The following TTK variants were observed in gnomAD, a reference collection of about 807,000 sequenced individuals.
The protein encoded by TTK is TTK protein kinase.
Under a neutral mutation model 117.3 loss-of-function variants are expected in TTK, and 59 were observed. The ratio of observed to expected loss-of-function variants is 0.50; its 90% CI spans 0.41 to 0.62. The LOEUF (loss-of-function observed/expected upper bound fraction) is 0.62. Among genes scored for constraint, TTK ranks in the 20% least tolerant of loss-of-function variants. TTK has a pLI of 0.00. For missense variants in TTK, 921 were observed against 989.4 expected (o/e 0.93, Z 0.93); for synonymous variants, 302 against 325.0 (o/e 0.93, Z 0.76).
intron 2 of TTK, 59 bp downstream of exon 2, chr6:80,006,041 G>T (rs1766984745): frequency 1.3e-6 from 2 of 1,550,598 alleles, no homozygotes; most frequent in Admixed American, 3.8e-5. Flanking sequence ...CTAAGGTAAA[G>T]ATATAGTACT....
At chr6:80,031,191 A>G (rs1031602130) in intron 13 of TTK, among the ~76,000 whole-genome samples, 2 of 151,672 alleles carry the variant, frequency 1.3e-5, no homozygotes, top group South Asian at 4.1e-4. Context: ...TTTTAAGCTT[A>G]TAAGTTTGCA....
chr6:80,024,623 A>G (rs1186582288), intron 11 of TTK, among the ~76,000 whole-genome samples: 1 of 152,154 alleles, frequency 6.6e-6, no homozygotes, highest in Non-Finnish European at 1.5e-5. Flanking sequence ...AGTGATTGCT[A>G]ATGGGTGTGA....
In TTK at chr6:80,008,451, C is replaced by T; in HGVS notation, c.428C>T (p.Ala143Val). 1 of 1,612,044 alleles carries T rather than the reference C, an allele frequency of 6.2e-7. No homozygotes were observed. The highest frequency in any genetic ancestry group is 8.5e-7 in the Non-Finnish European group (1 of 1,178,984). Residue 143 changes from alanine to valine, a missense_variant, in exon 4 of 22, where the codon GCT becomes GTT. Ala to Val is a moderately conservative substitution (Grantham distance 64). Coordinates refer to ENST00000369798, the MANE Select transcript of TTK (RefSeq NM_003318.5). ...GCCAGAGCAAACTGCAAGAAATTTGCTTTTGTTCATATATCTTTTGCACAA... is the reference window on the plus strand; with the variant it reads ...GCCAGAGCAAACTGCAAGAAATTTGTTTTTGTTCATATATCTTTTGCACAA... The part of the protein sequence containing the change: ...QMARANCKKF[A>V]FVHISFAQFE...
chr6:80,011,774 A>G lies in TTK; in HGVS notation c.774A>G (p.Ser258=), dbSNP rs757881073. The change falls in exon 7 of 22, where the codon TCA becomes TCG. Residue 258 remains serine (S), a synonymous_variant. Coordinates refer to ENST00000369798, the MANE Select transcript of TTK (RefSeq NM_003318.5). ...ATGCAGAAATAGGTTACCGGAATTC[A>G]TTGAGACAAACTAACAAAACTAAAC... ...PQDAEIGYRN[S]LRQTNKTKQS... is the part of the protein sequence containing the mutation. 11 of 1,612,890 alleles carry G rather than the reference A, an allele frequency of 6.8e-6. 1 individual carries two copies. In the South Asian group the frequency reaches 1.1e-4, roughly 16 times the overall value.
At position 80,026,241 on chromosome 6, in the gene TTK, T is replaced by C. The variant is rs1421563904; in HGVS notation, c.1258-137T>C. ...AATTATTGAAAGTCTAAAATGTATA[T>C]ATATGCCTATCTCTTTTAGTATGCC... On this transcript the variant is annotated intron_variant, in intron 11 of 21. Transcript: ENST00000369798. The C allele has an allele frequency of 3.5e-6, 3 of 866,766 alleles. No homozygotes were observed. The African/African-American group carries it at 5.2e-5, about 15-fold the overall frequency. The allele number at this position is 866,766 out of a possible 1,614,324, so 53.7% of individuals were successfully genotyped here.
At chr6:80,009,461 C>T (rs1767086126) in intron 4 of TTK, among the ~76,000 whole-genome samples, 1 of 152,046 alleles carries the variant, frequency 6.6e-6, no homozygotes, top group Admixed American at 6.6e-5. Flanking sequence ...TTATCCCTTT[C>T]TTCTCTAGAA....
intron 11 of TTK, 94 bp from the exon 12 acceptor site, chr6:80,026,284 A>G (rs1767602082): frequency 1.5e-6 from 2 of 1,297,810 alleles, no homozygotes; most frequent in Middle Eastern, 2.7e-4. Context: ...ATCATATGTT[A>G]TTATTTTATT....
At chr6:80,008,307 G>T (rs1767049729) in intron 3 of TTK, 79 bp from the exon 4 acceptor site, 2 of 1,389,070 alleles carry the variant, frequency 1.4e-6, no homozygotes, top group Non-Finnish European at 2.0e-6. Context: ...CATGTTTTTT[G>T]GAAAATTGAA....
chr6:80,022,345 C>G lies in TTK; in HGVS notation c.1130C>G (p.Pro377Arg), dbSNP rs1767482193. ...KLEETKEYQEPEVPESNQKQW... is the reference protein window; with the variant it reads ...KLEETKEYQEREVPESNQKQW... ...TCAGAAACTAAAGAGTATCAAGAAC[C>G]AGAGGTTCCAGAGAGTAACCAGAAA... Residue 377 changes from proline to arginine, a missense_variant, in exon 11 of 22, where the codon CCA becomes CGA. Physicochemically the swap from Pro to Arg is moderately radical, Grantham distance 103. Transcript: ENST00000369798. 2 of 1,612,078 alleles carry G rather than the reference C, an allele frequency of 1.2e-6. No individual in the cohort carries two copies. Among genetic ancestry groups the G allele is most frequent in the Non-Finnish European group, 1.7e-6 (2 of 1,179,484 alleles).
chr6:80,017,654 A>C (rs540893696), intron 10 of TTK, among the ~76,000 whole-genome samples: 36 of 152,282 alleles, frequency 2.4e-4, no homozygotes, highest in African/African-American at 8.4e-4. Flanking sequence ...AAAATTCACG[A>C]CTATTTTGGC....
At chr6:80,022,586 AG>A in intron 11 of TTK, 114 bp downstream of exon 11, 1 of 1,185,432 alleles carries the variant, frequency 8.4e-7, no homozygotes. Flanking sequence ...TTAGTAGAAT[AG>A]TTTATTTAAA....
Position 80,022,471 on chromosome 6 carries a change from A to G in TTK, c.1256A>G (p.Glu419Gly), listed in dbSNP as rs745463615. 1.2e-6 allele frequency: 2 copies of G among 1,611,646 alleles called. No individual in the cohort carries two copies. The highest frequency in any genetic ancestry group is 2.7e-5 in the African/African-American group (2 of 74,844). ...GAGTTAGCCCGAAAAGTTAATACAG[A>G]GGTAACTTTTCCACTAAAGTACAAT... ...IPELARKVNT[E>G]QKHTTFEQPV... Residue 419 changes from glutamate to glycine, a missense_variant and splice_region_variant, in exon 11 of 22, where the codon GAG (glutamate) becomes GGG (glycine). Transcript: ENST00000369798.
intron 10 of TTK, among the ~76,000 whole-genome samples, chr6:80,015,518 T>C (rs1767282839): frequency 6.6e-6 from 1 of 152,152 alleles, no homozygotes; most frequent in Admixed American, 6.5e-5. Flanking sequence ...CCAGGGACTT[T>C]GCTGAAAGTC....
At chr6:80,018,728 T>A (rs1767381300) in intron 10 of TTK, among the ~76,000 whole-genome samples, 1 of 152,064 alleles carries the variant, frequency 6.6e-6, no homozygotes, top group Non-Finnish European at 1.5e-5. Flanking sequence ...AGTATAACAG[T>A]GAATAGAAAG....
At chr6:80,008,537 T>A (rs1415540077) in intron 4 of TTK, 45 bp downstream of exon 4, 1 of 1,503,758 alleles carries the variant, frequency 6.7e-7, no homozygotes, top group East Asian at 2.3e-5. Flanking sequence ...AAGGATAACT[T>A]ATTACAACTT....
intron 10 of TTK, among the ~76,000 whole-genome samples, chr6:80,016,221 A>G (rs1051213932): frequency 6.6e-6 from 1 of 152,152 alleles, no homozygotes; most frequent in Non-Finnish European, 1.5e-5. Context: ...ACAAATTTCT[A>G]TTGAGTGTAT....
At position 80,011,419 on chromosome 6, in the gene TTK, T is replaced by C. The variant is rs763741059; in HGVS notation, c.614-15T>C. 3.0e-5 allele frequency: 45 copies of C among 1,524,684 alleles called. No homozygotes were observed. In the South Asian group the frequency reaches 5.0e-4, roughly 17 times the overall value. The allele number at this position is 1,524,684 out of a possible 1,614,324, so 94.4% of individuals were successfully genotyped here. ...ATTTCTTATAAATTTAATCATAGTT[T>C]CAAAATTTTTACAGCATCTACGGTA... On this transcript the variant is annotated splice_polypyrimidine_tract_variant and intron_variant, in intron 5 of 21. Coordinates refer to ENST00000369798, the MANE Select transcript of TTK (RefSeq NM_003318.5).
intron 14 of TTK, among the ~76,000 whole-genome samples, chr6:80,032,349 C>A (rs1035610839): frequency 6.6e-6 from 1 of 152,048 alleles, no homozygotes; most frequent in Non-Finnish European, 1.5e-5. Context: ...TGTTACTGAT[C>A]TCAGTGAAGC....
intron 17 of TTK, chr6:80,037,473 C>G (rs1767934894): frequency 6.6e-6 from 1 of 152,384 alleles, no homozygotes; most frequent in Admixed American, 6.6e-5. Flanking sequence ...TACTGTGAGA[C>G]AAAGCTAGAT....
Sources: gnomAD v4.1 joint callset for allele counts (sites outside exome capture counted in the v4.1 genomes callset) on GRCh38, gnomAD v4.1.1 for gene constraint, MANE v1.5 for transcripts, NCBI Gene and HGNC (gene_info 2026-07-23, HGNC 2026-07-21) for gene names.